Variants in PROZ observed in about 807,000 individuals in gnomAD.
PROZ encodes the protein protein Z, vitamin K dependent plasma glycoprotein, also known as vitamin K-dependent protein Z.
In PROZ, 46 loss-of-function variants were observed where a neutral mutation model predicts 34.9. The observed-to-expected ratio is 1.32, with a 90% CI of 1.04 to 1.69. The LOEUF is 1.69. PROZ is among the 40% of genes most tolerant of loss of function. The pLI, the probability that PROZ is intolerant of heterozygous loss-of-function variation, is 0.00. For missense variants in PROZ, 530 were observed against 520.4 expected, an observed-to-expected ratio of 1.02 and a Z score of -0.18; for synonymous variants, 195 against 208.5, an observed-to-expected ratio of 0.94 and a Z score of 0.56.
Position 113,164,645 on chromosome 13 carries a change from G to A in PROZ, c.505+1G>A. ...GACCACAAACAGTGTGTGCCCCACG[G>A]TGAGTGCTCAGACCACAGCGGCCTC... On this transcript the variant is annotated splice_donor_variant, in intron 5 of 7. Transcript: ENST00000375547. LOFTEE classifies it high-confidence loss of function. The A allele has an allele frequency of 1.2e-6, 2 of 1,613,606 alleles. No individual in the cohort carries two copies. The highest frequency in any genetic ancestry group is 1.7e-6 in the Non-Finnish European group (2 of 1,179,968).
In PROZ at chr13:113,159,872, TG is replaced by T; in HGVS notation, c.71-140del. 1.1e-6 allele frequency: 1 copy of T among 921,452 alleles called. No homozygotes were observed. The highest frequency in any genetic ancestry group is 1.8e-6 in the Non-Finnish European group (1 of 564,196). 57.1% of individuals were successfully genotyped at this position (921,452 alleles called of 1,614,324 possible). A position where few individuals can be genotyped will look rare whatever the true frequency, so the allele number is the denominator to read the frequency against. Reference sequence around the variant, plus strand: ...TACCTCGGGGGAGGGAGTAGCGGGGTGGCCCTGAGGCCCTCGCAGGCTGAGA... The same window carrying T: ...TACCTCGGGGGAGGGAGTAGCGGGGTGCCCTGAGGCCCTCGCAGGCTGAGA... On this transcript the variant is annotated intron_variant, in intron 1 of 7. Coordinates refer to ENST00000375547, the MANE Select transcript of PROZ (RefSeq NM_003891.3). This position sits in a 1 kb window ranked among gnomAD's most constrained non-coding sequence, Gnocchi z 4.6.
At chr13:113,164,874 G>A in intron 5 of PROZ, 179 bp from the exon 6 acceptor site, 1 of 929,862 alleles carries the variant, frequency 1.1e-6, no homozygotes, top group South Asian at 1.4e-5. Flanking sequence ...GTGCTGTGAG[G>A]GGTGGTTTAA....
intron 2 of PROZ, 42 bp from the exon 3 acceptor site, chr13:113,160,906 C>G (rs749789855): frequency 2.0e-6 from 3 of 1,532,428 alleles, no homozygotes; most frequent in Middle Eastern, 1.9e-4. Flanking sequence ...TATAGAAAAA[C>G]AAATATCCCA....
At chr13:113,163,255 AC>A in intron 4 of PROZ, 133 bp downstream of exon 4, 1 of 764,904 alleles carries the variant, frequency 1.3e-6, no homozygotes, top group Non-Finnish European at 2.2e-6. Context: ...GATTTGGCTC[AC>A]CCCAGGGGAT....
chr13:113,162,935 A>C (rs1436331867), intron 3 of PROZ, 74 bp from the exon 4 acceptor site: 250 of 620,342 alleles, frequency 4.0e-4, no homozygotes, highest in South Asian at 5.4e-4. Context: ...CATTCCTGTC[A>C]CCACCCCCAC....
intron 6 of PROZ, 73 bp downstream of exon 6, chr13:113,165,193 A>C: frequency 6.7e-7 from 1 of 1,483,798 alleles, no homozygotes; most frequent in Non-Finnish European, 9.3e-7. Flanking sequence ...CCTAAATAGA[A>C]ATGTTGACAA....
In PROZ at chr13:113,170,450, G is replaced by A. The variant is rs1176345170; in HGVS notation, c.611G>A (p.Gly204Asp). The A allele has an allele frequency of 6.2e-7, 1 of 1,609,490 alleles. No individual in the cohort carries two copies. The highest frequency in any genetic ancestry group is 8.5e-7 in the Non-Finnish European group (1 of 1,175,806). ...LTNSEGKDFC[G>D]GVIIRENFVL... ...AATTCCGAAGGAAAAGACTTCTGTGGTGGTGTTATAATACGGGAAAATTTT... is the reference window on the plus strand; with the variant it reads ...AATTCCGAAGGAAAAGACTTCTGTGATGGTGTTATAATACGGGAAAATTTT... The change falls in exon 7 of 8, where the codon GGT (glycine) becomes GAT (aspartate). Residue 204 changes from glycine to aspartate, a missense_variant. Transcript: ENST00000375547.
chr13:113,165,600 G>A (rs35869306), intron 6 of PROZ, among the ~76,000 whole-genome samples: 7 of 152,120 alleles, frequency 4.6e-5, no homozygotes, highest in East Asian at 1.9e-4. Context: ...GTCCAGTCCC[G>A]GCTCACTGCA....
intron 3 of PROZ, among the ~76,000 whole-genome samples, chr13:113,161,479 G>A (rs1414891484): frequency 6.6e-6 from 1 of 152,166 alleles, no homozygotes; most frequent in Non-Finnish European, 1.5e-5. Flanking sequence ...GCCAGGGTAA[G>A]GACCCACCTG....
Position 113,159,838 on chromosome 13 carries a change from G to A in PROZ, c.71-176G>A, listed in dbSNP as rs367834445. Among the ~76,000 whole-genome samples the A allele has an allele frequency of 9.8e-5, 15 of 152,352 alleles. No homozygotes were observed. The highest frequency in any genetic ancestry group is 3.4e-4 in the African/African-American group (14 of 41,596). On this transcript the variant is annotated intron_variant, in intron 1 of 7. Coordinates refer to ENST00000375547, the MANE Select transcript of PROZ (RefSeq NM_003891.3). This position sits in a 1 kb window ranked among gnomAD's most constrained non-coding sequence, Gnocchi z 4.6. ...CTGATCCATTCGCCCAGAGGATGAA[G>A]TGCTTGCCTACCTCGGGGGAGGGAG...
intron 6 of PROZ, among the ~76,000 whole-genome samples, chr13:113,169,132 T>C (rs1453975579): frequency 6.6e-6 from 1 of 152,112 alleles, no homozygotes; most frequent in Non-Finnish European, 1.5e-5. Context: ...TCAGAGATGG[T>C]CTGTTCATTT....
chr13:113,164,041 C>T (rs1473356623), intron 4 of PROZ, among the ~76,000 whole-genome samples: 7 of 150,938 alleles, frequency 4.6e-5, no homozygotes, highest in Admixed American at 6.6e-5. Context: ...TGCAGTGACG[C>T]GATGTCAGCT....
At chr13:113,165,619 C>G (rs1445245189) in intron 6 of PROZ, among the ~76,000 whole-genome samples, 1 of 152,202 alleles carries the variant, frequency 6.6e-6, no homozygotes, top group South Asian at 2.1e-4. Flanking sequence ...CAACCTCTGC[C>G]TCCTGGGCAC....
intron 5 of PROZ, among the ~76,000 whole-genome samples, 195 bp downstream of exon 5, chr13:113,164,839 C>T (rs557803734): frequency 2.6e-5 from 4 of 152,348 alleles, no homozygotes; most frequent in East Asian, 1.9e-4. Flanking sequence ...AGTGCTTGCT[C>T]GGACCACTCT....
At chr13:113,161,524 G>C (rs2036759033) in intron 3 of PROZ, among the ~76,000 whole-genome samples, 1 of 152,150 alleles carries the variant, frequency 6.6e-6, no homozygotes, top group Admixed American at 6.5e-5. Context: ...GCCACCACCA[G>C]ACAAGCACGG....
chr13:113,159,526 C>T lies in PROZ; in HGVS notation c.71-488C>T, dbSNP rs564088794. Among the ~76,000 whole-genome samples, 25 of 152,264 alleles carry T rather than the reference C, an allele frequency of 1.6e-4. No homozygotes were observed. The highest frequency in any genetic ancestry group is 5.3e-4 in the African/African-American group (22 of 41,544). On this transcript the variant is annotated intron_variant, in intron 1 of 7. Coordinates refer to ENST00000375547, the MANE Select transcript of PROZ (RefSeq NM_003891.3). The surrounding 1 kb of genome is among the most constrained non-coding windows in gnomAD (Gnocchi z 4.6). Reference sequence around the variant, plus strand: ...GGGAAGAGGCTCCAGAGACCACTGCCGCGGGTCAACTCATTTGCCTTCTCC... The same window carrying T: ...GGGAAGAGGCTCCAGAGACCACTGCTGCGGGTCAACTCATTTGCCTTCTCC...
rs2037119751 is a variant in PROZ at position 113,171,797 on chromosome 13, C to T, written c.895C>T (p.Leu299Phe). The T allele has an allele frequency of 1.2e-6, 2 of 1,613,524 alleles. No homozygotes were observed. Among genetic ancestry groups the T allele is most frequent in the African/African-American group, 1.3e-5 (1 of 75,056 alleles). ...CCTCCTCATCCCACGCACCAGGGGC[C>T]TCCTCAGCGGCTGGGCACGCAATGG... ...EHLLIPRTRGLLSGWARNGTD... is the reference protein window; with the variant it reads ...EHLLIPRTRGFLSGWARNGTD... Residue 299 changes from leucine (L) to phenylalanine (F), a missense_variant, in exon 8 of 8, where the codon CTC (leucine) becomes TTC (phenylalanine). Coordinates refer to ENST00000375547, the MANE Select transcript of PROZ (RefSeq NM_003891.3). The surrounding 1 kb of genome is among the most constrained non-coding windows in gnomAD (Gnocchi z 5.1).
chr13:113,169,131 G>A (rs2037035564), intron 6 of PROZ, among the ~76,000 whole-genome samples: 1 of 152,014 alleles, frequency 6.6e-6, no homozygotes, highest in Non-Finnish European at 1.5e-5. Context: ...CTCAGAGATG[G>A]TCTGTTCATT....
rs768784997 is a variant in PROZ, at chr13:113,164,585, C to T, written c.446C>T (p.Thr149Ile). The T allele has an allele frequency of 1.9e-5, 31 of 1,613,706 alleles. No individual in the cohort carries two copies. The highest frequency in any genetic ancestry group is 1.9e-4 in the African/African-American group (14 of 74,794). ...TGCCTCCCAGGACAGGAATCCTACA[C>T]ATGCAGCTGTGCTCAGGGCTACAGG... ...HFCLPGQESY[T>I]CSCAQGYRLG... The change falls in exon 5 of 8, where the codon ACA (threonine) becomes ATA (isoleucine). Residue 149 changes from threonine to isoleucine, a missense_variant. By Grantham distance (89) the Thr-to-Ile change is moderately conservative. Transcript: ENST00000375547.
Sources: gnomAD v4.1 joint callset for allele counts (sites outside exome capture counted in the v4.1 genomes callset) on GRCh38, gnomAD v4.1.1 for gene constraint, Gnocchi (gnomAD v3.1) non-coding constraint, MANE v1.5 for transcripts, NCBI Gene and HGNC (gene_info 2026-07-23, HGNC 2026-07-21) for gene names.